NHS: variants seen among roughly 807,000 people sequenced by gnomAD.
The protein encoded by NHS is NHS actin remodeling regulator, also known as actin remodeling regulator NHS.
Under a neutral mutation model 72.5 loss-of-function variants are expected in NHS, and 5 were observed. That is an observed-to-expected ratio of 0.07 (90% CI 0.04 to 0.14). NHS has a LOEUF of 0.14. Among genes scored for constraint, NHS ranks in the 10% least tolerant of loss-of-function variants. The pLI is 1.00. For missense variants in NHS, 1,072 were observed against 1,355.7 expected (o/e 0.79, Z 3.29); for synonymous variants, 464 against 547.7 (o/e 0.85, Z 2.13).
At chrX:17,586,426 T>C in intron 1 of NHS, 1 of 112,153 alleles carries the variant, frequency 8.9e-6, no homozygotes, top group Middle Eastern at 4.6e-3. Flanking sequence ...AAGCATACAA[T>C]TATAGTCACC....
intron 1 of NHS, among the ~76,000 whole-genome samples, chrX:17,537,256 A>G (rs979084082): frequency 1.8e-5 from 2 of 112,366 alleles, no homozygotes; most frequent in Non-Finnish European, 3.8e-5. Context: ...TTCGATCAAA[A>G]GCACCATTAG....
At chrX:17,692,778 G>T (rs1337568533) in intron 3 of NHS, among the ~76,000 whole-genome samples, 1 of 110,448 alleles carries the variant, frequency 9.1e-6, no homozygotes. Context: ...GAAGGATTCA[G>T]GATAGGTTAC....
intron 1 of NHS, among the ~76,000 whole-genome samples, chrX:17,632,029 G>T (rs1008450696): frequency 8.9e-6 from 1 of 111,858 alleles, no homozygotes; most frequent in Non-Finnish European, 1.9e-5. Flanking sequence ...CTGTACCACA[G>T]TTGCTTTGAC....
At chrX:17,503,630 C>G (rs1348494804) in intron 1 of NHS, among the ~76,000 whole-genome samples, 1 of 111,724 alleles carries the variant, frequency 9.0e-6, no homozygotes. Flanking sequence ...ACTGTTTTCT[C>G]TCTGTTGAGG....
At chrX:17,611,277 A>G (rs1208172720) in intron 1 of NHS, among the ~76,000 whole-genome samples, 2 of 112,082 alleles carry the variant, frequency 1.8e-5, no homozygotes, top group East Asian at 2.8e-4. Context: ...AGTGAACACA[A>G]TAAGAGGGGA....
intron 1 of NHS, among the ~76,000 whole-genome samples, chrX:17,566,273 G>A (rs943581946): frequency 9.0e-6 from 1 of 111,272 alleles, no homozygotes; most frequent in East Asian, 2.8e-4. Flanking sequence ...ATGAGCCACC[G>A]TATACTGCCT....
At chrX:17,411,564 A>G (rs965533055) in intron 1 of NHS, among the ~76,000 whole-genome samples, 2 of 112,031 alleles carry the variant, frequency 1.8e-5, no homozygotes, top group African/African-American at 6.5e-5. Context: ...ATTATGCTCA[A>G]TCCTTAGCCT....
chrX:17,482,907 T>C (rs940478610), intron 1 of NHS, among the ~76,000 whole-genome samples: 9 of 112,234 alleles, frequency 8.0e-5, no homozygotes, highest in Admixed American at 7.6e-4. Flanking sequence ...CTAGAGGCTA[T>C]GGGGAGGGGA....
At chrX:17,619,626 T>C (rs1244162910) in intron 1 of NHS, among the ~76,000 whole-genome samples, 1 of 112,145 alleles carries the variant, frequency 8.9e-6, no homozygotes, top group Admixed American at 9.4e-5. Context: ...CTGGTTTGAG[T>C]CAGCTTTTTA....
At chrX:17,601,049 C>G (rs182891859) in intron 1 of NHS, among the ~76,000 whole-genome samples, 138 of 111,667 alleles carry the variant, frequency 1.2e-3, no homozygotes, top group African/African-American at 4.2e-3. Context: ...AGTAAGTCAC[C>G]GATAAATTCT....
At chrX:17,655,935 GC>G in intron 1 of NHS, among the ~76,000 whole-genome samples, 1 of 113,265 alleles carries the variant, frequency 8.8e-6, no homozygotes, top group East Asian at 2.8e-4. Context: ...TTAGGCTGGA[GC>G]TGGGCATGGA....
chrX:17,609,734 A>G (rs2065700101), intron 1 of NHS, among the ~76,000 whole-genome samples: 2 of 111,815 alleles, frequency 1.8e-5, no homozygotes, highest in African/African-American at 3.3e-5. Context: ...AGTTCACATG[A>G]GAGTTAAGGG....
At chrX:17,470,934 TGG>T (rs1049773488) in intron 1 of NHS, among the ~76,000 whole-genome samples, 1 of 111,094 alleles carries the variant, frequency 9.0e-6, no homozygotes, top group Non-Finnish European at 1.9e-5. Flanking sequence ...GGGATGGCAG[TGG>T]GGGGGTGTTG....
At chrX:17,701,008 C>G (rs2066260618) in intron 3 of NHS, among the ~76,000 whole-genome samples, 1 of 112,174 alleles carries the variant, frequency 8.9e-6, no homozygotes, top group Non-Finnish European at 1.9e-5. Context: ...TTTTGCTGTA[C>G]CTTTTCTATG....
chrX:17,429,859 G>A (rs1474896328), intron 1 of NHS, among the ~76,000 whole-genome samples: 2 of 111,354 alleles, frequency 1.8e-5, no homozygotes, highest in African/African-American at 6.5e-5. Context: ...TCTCTAGGTG[G>A]CATCACGGAA....
At chrX:17,378,987 C>A (rs1440823543) in intron 1 of NHS, among the ~76,000 whole-genome samples, 1 of 111,706 alleles carries the variant, frequency 9.0e-6, no homozygotes, top group Non-Finnish European at 1.9e-5. Flanking sequence ...GCATCAGCTG[C>A]ATTATGCATC....
chrX:17,650,240 T>G (rs1443387686), intron 1 of NHS, among the ~76,000 whole-genome samples: 1 of 112,150 alleles, frequency 8.9e-6, no homozygotes, highest in East Asian at 2.8e-4. Context: ...GATGCTGAAG[T>G]TTATGGGTAG....
At chrX:17,381,548 C>A (rs1231512430) in intron 1 of NHS, among the ~76,000 whole-genome samples, 2 of 112,271 alleles carry the variant, frequency 1.8e-5, no homozygotes, top group East Asian at 5.6e-4. Flanking sequence ...TAAGTGAAAT[C>A]ATATATACTT....
chrX:17,564,969 A>ATTTTT (rs201932159), intron 1 of NHS, among the ~76,000 whole-genome samples: 3 of 99,944 alleles, frequency 3.0e-5, no homozygotes, highest in African/African-American at 1.4e-4. Flanking sequence ...GTACAGCCAC[A>ATTTTT]TTTTTTTTTA....
Sources: gnomAD v4.1 joint callset for allele counts (sites outside exome capture counted in the v4.1 genomes callset) on GRCh38, gnomAD v4.1.1 for gene constraint, MANE v1.5 for transcripts, NCBI Gene and HGNC (gene_info 2026-07-23, HGNC 2026-07-21) for gene names.